The following DCAF6 variants were observed in gnomAD, a reference collection of about 807,000 sequenced individuals.
The protein encoded by DCAF6 is DDB1- and CUL4-associated factor 6.
In DCAF6, 54 loss-of-function variants were observed where a neutral mutation model predicts 125.1. The ratio of observed to expected loss-of-function variants is 0.43; its 90% CI spans 0.35 to 0.54. The LOEUF (loss-of-function observed/expected upper bound fraction) is 0.54. Ranked by LOEUF, DCAF6 falls within the 20% of genes least tolerant of loss-of-function variation. DCAF6 has a pLI of 0.01. For synonymous variants in DCAF6, 371 were observed against 390.4 expected, an observed-to-expected ratio of 0.95 and a Z score of 0.58; for missense variants, 934 against 1,161.7, an observed-to-expected ratio of 0.80 and a Z score of 2.85.
chr1:168,035,761 G>A (rs1207658894), intron 12 of DCAF6, among the ~76,000 whole-genome samples: 1 of 152,040 alleles, frequency 6.6e-6, no homozygotes, highest in African/African-American at 2.4e-5. Context: ...ATTCCTGAGA[G>A]ATTAAATAAG....
chr1:167,988,259 C>G (rs1413496283), intron 5 of DCAF6, among the ~76,000 whole-genome samples: 1 of 152,096 alleles, frequency 6.6e-6, no homozygotes, highest in African/African-American at 2.4e-5. Flanking sequence ...CTTCTGGGCT[C>G]GAGTAATCTT....
intron 10 of DCAF6, among the ~76,000 whole-genome samples, chr1:168,005,813 C>G (rs1386681437): frequency 6.6e-6 from 1 of 152,082 alleles, no homozygotes; most frequent in African/African-American, 2.4e-5. Context: ...GAATAAAAGC[C>G]AGAGTCAGTT....
intron 12 of DCAF6, among the ~76,000 whole-genome samples, chr1:168,031,067 T>C (rs1687023603): frequency 6.6e-6 from 1 of 152,066 alleles, no homozygotes; most frequent in African/African-American, 2.4e-5. Flanking sequence ...GGGTAGTTGA[T>C]TGTGTGGATA....
chr1:167,945,140 T>G (rs1188128726), intron 1 of DCAF6, among the ~76,000 whole-genome samples: 1 of 152,222 alleles, frequency 6.6e-6, no homozygotes, highest in Non-Finnish European at 1.5e-5. Flanking sequence ...TAATATAATT[T>G]GAAGTTAGAT....
intron 21 of DCAF6, among the ~76,000 whole-genome samples, chr1:168,074,313 C>T (rs549484501): frequency 6.6e-6 from 1 of 152,096 alleles, no homozygotes; most frequent in South Asian, 2.1e-4. Context: ...TGGGACTGAA[C>T]TGTTTTCCTT....
the DCAF6 span, among the ~76,000 whole-genome samples, chr1:167,871,952 A>G: frequency 4.6e-3 from 694 of 152,362 alleles, 26 homozygotes; most frequent in Admixed American, 0.041. Flanking sequence ...GCACACCAAC[A>G]TGGCACATGT....
intron 2 of DCAF6, among the ~76,000 whole-genome samples, chr1:167,961,961 A>T (rs999778684): frequency 2.7e-4 from 41 of 152,172 alleles, no homozygotes; most frequent in African/African-American, 7.9e-4. Context: ...TTCTTCTTTG[A>T]CCGATGTGTT....
intron 17 of DCAF6, among the ~76,000 whole-genome samples, chr1:168,052,977 T>G (rs1690143972): frequency 6.6e-6 from 1 of 152,220 alleles, no homozygotes; most frequent in Non-Finnish European, 1.5e-5. Flanking sequence ...CTGTCTACAT[T>G]GCCATACTTG....
the DCAF6 span, among the ~76,000 whole-genome samples, chr1:167,896,108 T>A: frequency 1.3e-5 from 2 of 151,950 alleles, no homozygotes; most frequent in Non-Finnish European, 2.9e-5. Flanking sequence ...ACATAAACAG[T>A]CTCAGTAGAC....
Position 168,050,888 on chromosome 1 carries a change from C to G in DCAF6, c.2259-4C>G, listed in dbSNP as rs1322445105. 1 of 1,351,510 alleles carries G rather than the reference C, an allele frequency of 7.4e-7. No homozygotes were observed. 83.7% of individuals were successfully genotyped at this position (1,351,510 alleles called of 1,614,324 possible). On this transcript the variant is annotated splice_polypyrimidine_tract_variant and splice_region_variant and intron_variant, in intron 16 of 21. Transcript: ENST00000367840. The stretch of plus-strand genomic sequence containing the variant: ...GATTTCAGTTATTGTGTTCCCTTCA[C>G]TAGATTTAATATCAGAGGAACAACA...
chr1:167,936,866 C>CA lies in DCAF6; in HGVS notation c.-46_-45insA. 3.4e-6 allele frequency: 5 copies of CA among 1,486,336 alleles called. No individual in the cohort carries two copies. The highest frequency in any genetic ancestry group is 4.6e-6 in the Non-Finnish European group (5 of 1,088,894). The allele number at this position is 1,486,336 out of a possible 1,614,324, so 92.1% of individuals were successfully genotyped here. A position where few individuals can be genotyped will look rare whatever the true frequency, so the allele number is the denominator to read the frequency against. ...ACGGGTGTCCCCTCCCCCTCCTCCC[C>CA]TCCCCCACGCGGTGGTCTCCCCTCC... On this transcript the variant is annotated 5_prime_UTR_variant, in exon 1 of 22. Transcript: ENST00000367840.
intron 12 of DCAF6, among the ~76,000 whole-genome samples, chr1:168,034,082 T>C (rs773894025): frequency 1.3e-5 from 2 of 152,262 alleles, no homozygotes; most frequent in African/African-American, 2.4e-5. Context: ...GTTGTTGATA[T>C]GAATTATTTA....
intron 10 of DCAF6, among the ~76,000 whole-genome samples, chr1:168,013,530 T>C (rs1441009220): frequency 3.9e-5 from 6 of 152,208 alleles, no homozygotes; most frequent in Non-Finnish European, 1.5e-5. Flanking sequence ...TGCCTCCCTT[T>C]GATTATAATT....
intron 3 of DCAF6, among the ~76,000 whole-genome samples, chr1:167,969,574 T>C (rs1676983714): frequency 6.6e-6 from 1 of 152,224 alleles, no homozygotes; most frequent in South Asian, 2.1e-4. Flanking sequence ...TTTCTTGTTT[T>C]TCCACACTTA....
chr1:167,881,588 T>C, the DCAF6 span, among the ~76,000 whole-genome samples: 788 of 152,214 alleles, frequency 5.2e-3, 10 homozygotes, highest in African/African-American at 0.018. Context: ...AGCTTTTGAT[T>C]CCCCCTAGCA....
chr1:167,974,856 C>T lies in DCAF6; in HGVS notation c.279C>T (p.His93=), dbSNP rs754473396. The part of the protein sequence containing the change: ...RKVLTTIRSG[H]RANIFSAKFL... ...TTTTGACAACAATTCGTTCAGGGCA[C>T]CGAGCAAACATATTTAGTGCAAAGT... is the stretch of plus-strand genomic sequence containing the variant. The change falls in exon 4 of 22, where the codon CAC becomes CAT. Residue 93 remains histidine (H), a synonymous_variant. Coordinates refer to ENST00000367840, the MANE Select transcript of DCAF6 (RefSeq NM_001198956.2). 2.6e-6 allele frequency: 4 copies of T among 1,555,092 alleles called. No homozygotes were observed. In the Admixed American group the frequency reaches 5.7e-5, roughly 22 times the overall value.
chr1:167,981,426 A>T (rs980037913), intron 4 of DCAF6, among the ~76,000 whole-genome samples: 1 of 151,890 alleles, frequency 6.6e-6, no homozygotes. Context: ...GGTTTGTTTC[A>T]TAGGTAGTAT....
the DCAF6 span, chr1:167,905,318 G>A: frequency 3.9e-6 from 3 of 775,166 alleles, no homozygotes; most frequent in Non-Finnish European, 6.4e-6. Flanking sequence ...AAATGCCAGA[G>A]TTGTTGAGCC....
At chr1:168,004,297 C>A (rs1201661082) in intron 9 of DCAF6, among the ~76,000 whole-genome samples, 1 of 151,718 alleles carries the variant, frequency 6.6e-6, no homozygotes, top group African/African-American at 2.4e-5. Flanking sequence ...TGTGTATAAA[C>A]AAGTTTTATG....
Sources: allele counts gnomAD v4.1 joint callset (sites outside exome capture counted in the v4.1 genomes callset), GRCh38; gene constraint gnomAD v4.1.1; transcripts MANE v1.5; gene names NCBI Gene and HGNC (gene_info 2026-07-23, HGNC 2026-07-21).